The following ZNF148 variants were observed in gnomAD, a reference collection of about 807,000 sequenced individuals.
The protein encoded by ZNF148 is zinc finger protein 148.
ZNF148 carries 7 observed loss-of-function variants against 67.7 expected under a neutral mutation model. The ratio of observed to expected loss-of-function variants is 0.10; its 90% confidence interval spans 0.06 to 0.19. ZNF148 has a LOEUF of 0.19. Among genes scored for constraint, ZNF148 ranks in the 10% least tolerant of loss-of-function variants. The probability of loss-of-function intolerance (pLI) is 1.00; values close to 1 mark genes in which losing one functional copy is unlikely to be tolerated. For missense variants in ZNF148, 583 were observed against 947.1 expected, an observed-to-expected ratio of 0.62 and a Z score of 5.05; for synonymous variants, 333 against 330.7, an observed-to-expected ratio of 1.01 and a Z score of -0.08.
At chr3:125,255,536 C>T (rs1020480522) in intron 7 of ZNF148, among the ~76,000 whole-genome samples, 1 of 152,076 alleles carries the variant, frequency 6.6e-6, no homozygotes, top group African/African-American at 2.4e-5. Flanking sequence ...CATAAGCCAC[C>T]ATGCCTGGCC....
chr3:125,344,365 A>T (rs1384638048), intron 1 of ZNF148: 1 of 611,720 alleles, frequency 1.6e-6, no homozygotes, highest in Non-Finnish European at 3.0e-6. Flanking sequence ...AAAAGATGGA[A>T]ATCCACTGAA....
At chr3:125,292,682 C>T (rs796076825) in intron 4 of ZNF148, 6 of 152,246 alleles carry the variant, frequency 3.9e-5, no homozygotes, top group African/African-American at 1.4e-4. Context: ...AAAGGAAAGA[C>T]TGAAAATGAG....
At chr3:125,278,827 C>T (rs1266123155) in intron 6 of ZNF148, among the ~76,000 whole-genome samples, 1 of 152,102 alleles carries the variant, frequency 6.6e-6, no homozygotes, top group African/African-American at 2.4e-5. Context: ...AAAAAATGAA[C>T]ACTGATAAAC....
chr3:125,301,493 G>A (rs959454071), intron 4 of ZNF148, among the ~76,000 whole-genome samples: 6 of 152,118 alleles, frequency 3.9e-5, no homozygotes, highest in Admixed American at 6.6e-5. Context: ...AAACACTAGC[G>A]AGTTTACATA....
At position 125,233,656 on chromosome 3, in the gene ZNF148, T is replaced by A; in HGVS notation, c.1070A>T (p.Asp357Val). 6.2e-7 allele frequency: 1 copy of A among 1,614,018 alleles called. No individual in the cohort carries two copies. Among genetic ancestry groups the A allele is most frequent in the Non-Finnish European group, 8.5e-7 (1 of 1,179,942 alleles). ...AGCATATTCTGCAACCATATACTCATCTTTTACTTTAGTACTTGAAGAATA... is the reference window on the plus strand; with the variant it reads ...AGCATATTCTGCAACCATATACTCAACTTTTACTTTAGTACTTGAAGAATA... The part of the protein sequence containing the change: ...PLYSSSTKVK[D>V]EYMVAEYAVE... Residue 357 changes from aspartate to valine, a missense_variant, in exon 9 of 9, where the codon GAT becomes GTT. Around this residue, in one of 5 missense-constraint regions of ZNF148, gnomAD observed 78 missense variants for 86.5 expected, o/e 0.90. Coordinates refer to ENST00000360647, the MANE Select transcript of ZNF148 (RefSeq NM_021964.3). The surrounding 1 kb of genome is among the most constrained non-coding windows in gnomAD (Gnocchi z 5.1).
At chr3:125,341,558 C>A (rs781493233) in intron 1 of ZNF148, among the ~76,000 whole-genome samples, 3 of 151,198 alleles carry the variant, frequency 2.0e-5, no homozygotes, top group African/African-American at 7.3e-5. Flanking sequence ...GAGGTCAGAG[C>A]GGTAGTGAGC....
chr3:125,306,597 T>C (rs551526418), intron 4 of ZNF148, among the ~76,000 whole-genome samples: 7 of 152,150 alleles, frequency 4.6e-5, no homozygotes, highest in Non-Finnish European at 1.0e-4. Flanking sequence ...AAATAAAATT[T>C]GTAATTTAAA....
chr3:125,329,017 ATATC>A (rs1559760319), intron 2 of ZNF148, among the ~76,000 whole-genome samples: 2 of 131,572 alleles, frequency 1.5e-5, no homozygotes, highest in African/African-American at 2.8e-5. Context: ...ATATATATAT[ATATC>A]TGTACATGTA....
intron 1 of ZNF148, among the ~76,000 whole-genome samples, chr3:125,333,897 A>T (rs1280180202): frequency 6.6e-6 from 1 of 152,222 alleles, no homozygotes; most frequent in Non-Finnish European, 1.5e-5. Flanking sequence ...AACCACTGTT[A>T]AGTAGGGAAC....
chr3:125,263,023 C>G (rs1444293051), intron 7 of ZNF148, among the ~76,000 whole-genome samples: 1 of 152,212 alleles, frequency 6.6e-6, no homozygotes, highest in African/African-American at 2.4e-5. Flanking sequence ...TGTAACACAA[C>G]TTAGCAGATC....
intron 6 of ZNF148, among the ~76,000 whole-genome samples, chr3:125,278,047 G>C (rs1244175312): frequency 6.6e-6 from 1 of 151,936 alleles, no homozygotes; most frequent in African/African-American, 2.4e-5. Flanking sequence ...ATATATTCAA[G>C]GGGGGGAAGG....
In ZNF148 at chr3:125,232,848, C is replaced by T. The variant is rs369366946; in HGVS notation, c.1878G>A (p.Pro626=). 75 of 1,613,780 alleles carry T rather than the reference C, an allele frequency of 4.6e-5. 1 individual carries two copies. The East Asian group carries it at 9.6e-4, about 21-fold the overall frequency. Residue 626 remains proline, a synonymous_variant, in exon 9 of 9, where the codon CCG becomes CCA. Transcript: ENST00000360647. The surrounding 1 kb of genome is among the most constrained non-coding windows in gnomAD (Gnocchi z 4.2). ...TSQNDAYLNS[P]SLNFVTDNQT... is the part of the protein sequence containing the mutation. ...GGTTATCAGTCACAAAGTTAAGGCT[C>T]GGGCTATTCAAATAGGCATCATTTT...
At chr3:125,241,101 T>C (rs1936333141) in intron 7 of ZNF148, among the ~76,000 whole-genome samples, 1 of 152,026 alleles carries the variant, frequency 6.6e-6, no homozygotes, top group Non-Finnish European at 1.5e-5. Context: ...CTTTTAAAAC[T>C]AGCCATTCTA....
intron 1 of ZNF148, among the ~76,000 whole-genome samples, chr3:125,372,722 C>G (rs1246834530): frequency 6.6e-6 from 1 of 152,190 alleles, no homozygotes; most frequent in Non-Finnish European, 1.5e-5. Context: ...AATCCCAGCA[C>G]TTTGGAGGCC....
chr3:125,250,643 GTCT>G (rs1936799739), intron 7 of ZNF148, among the ~76,000 whole-genome samples: 1 of 152,158 alleles, frequency 6.6e-6, no homozygotes, highest in South Asian at 2.1e-4. Flanking sequence ...CTAGTGTCTG[GTCT>G]TCTTCCAGGT....
chr3:125,255,335 C>T (rs959827556), intron 7 of ZNF148, among the ~76,000 whole-genome samples: 1 of 149,654 alleles, frequency 6.7e-6, no homozygotes, highest in Non-Finnish European at 1.5e-5. Context: ...CAACCTCTGC[C>T]TCCCAGGTTC....
chr3:125,287,076 C>T (rs929949181), intron 5 of ZNF148, among the ~76,000 whole-genome samples: 3 of 152,050 alleles, frequency 2.0e-5, no homozygotes, highest in Admixed American at 1.3e-4. Flanking sequence ...TCTTGCAAGC[C>T]AGCTCAAGCT....
chr3:125,323,353 T>C lies in ZNF148; in HGVS notation c.-61A>G, dbSNP rs760845402. On this transcript the variant is annotated 5_prime_UTR_variant, in exon 3 of 9. Transcript: ENST00000360647. ...GAAGACTTCAAGGAAAGGAATGCTG[T>C]AGAGTTGAAAAAGAAATCATGGTTG... 7.3e-4 allele frequency: 503 copies of C among 693,362 alleles called. No homozygotes were observed. The highest frequency in any genetic ancestry group is 9.9e-4 in the Admixed American group (47 of 47,326). The allele number at this position is 693,362 out of a possible 1,614,324, so 43.0% of individuals were successfully genotyped here.
intron 7 of ZNF148, among the ~76,000 whole-genome samples, chr3:125,275,781 T>C (rs1260400564): frequency 6.6e-6 from 1 of 152,224 alleles, no homozygotes; most frequent in African/African-American, 2.4e-5. Flanking sequence ...AAAGAATTCA[T>C]ACTCACACAC....
Sources: gnomAD v4.1 joint callset for allele counts (sites outside exome capture counted in the v4.1 genomes callset) on GRCh38, gnomAD v4.1.1 for gene constraint, gnomAD v4.1.1 regional missense constraint, Gnocchi (gnomAD v3.1) non-coding constraint, MANE v1.5 for transcripts, NCBI Gene and HGNC (gene_info 2026-07-23, HGNC 2026-07-21) for gene names.